ITSN2: variants seen among roughly 807,000 people sequenced by gnomAD.
The protein encoded by ITSN2 is intersectin-2.
ITSN2 carries 156 observed loss-of-function variants against 243.7 expected under a neutral mutation model. The ratio of observed to expected loss-of-function variants is 0.64; its 90% confidence interval spans 0.56 to 0.73. ITSN2 has a LOEUF of 0.73. ITSN2 is among the 30% of genes least tolerant of loss of function. ITSN2 has a pLI of 0.00. For missense variants in ITSN2, 1,801 were observed against 1,996.1 expected (o/e 0.90, Z 1.86); for synonymous variants, 703 against 699.9 (o/e 1.00, Z -0.07).
chr2:24,246,978 TA>T (rs1638703245), intron 27 of ITSN2, 85 bp from the exon 28 acceptor site: 1 of 928,802 alleles, frequency 1.1e-6, no homozygotes, highest in Non-Finnish European at 1.7e-6. Flanking sequence ...AGAAAAACCA[TA>T]AATGTGTAGT....
chr2:24,308,523 T>G (rs1574255136), intron 8 of ITSN2, 94 bp downstream of exon 8: 99 of 766,778 alleles, frequency 1.3e-4, no homozygotes, highest in Non-Finnish European at 1.7e-4. Flanking sequence ...AAATGTCAGA[T>G]GAGCTACACA....
rs767150368 is a variant in ITSN2 at position 24,300,082 on chromosome 2, T to TTTG, written c.1168_1170dup (p.Gln390dup). 11 of 1,614,064 alleles carry TTTG rather than the reference T, an allele frequency of 6.8e-6. No homozygotes were observed. In the East Asian group the frequency reaches 2.5e-4, roughly 36 times the overall value. On this transcript the variant is annotated inframe_insertion, in exon 12 of 40. Transcript: ENST00000355123. The stretch of plus-strand genomic sequence containing the variant: ...TTCTGGGCTTTACGTTCTGCCTCCC[T>TTTG]TTGTTGCTGCTCCATCAAGGCTTGG...
chr2:24,271,691 C>CT lies in ITSN2; in HGVS notation c.2257+74dup, dbSNP rs1414716254. ...ATTAGTATCTTTCTAATTTTCTTCC[C>CT]TTTTTTTGTCTCTTATCAGGTCATT... On this transcript the variant is annotated intron_variant, in intron 19 of 39. Coordinates refer to ENST00000355123, the MANE Select transcript of ITSN2 (RefSeq NM_006277.3). The CT allele has an allele frequency of 2.0e-5, 28 of 1,412,870 alleles. 1 individual carries two copies. In the South Asian group the frequency reaches 4.1e-4, roughly 20 times the overall value. The allele number at this position is 1,412,870 out of a possible 1,614,324, so 87.5% of individuals were successfully genotyped here.
intron 8 of ITSN2, among the ~76,000 whole-genome samples, chr2:24,307,505 C>G (rs1480112105): frequency 6.6e-6 from 1 of 152,092 alleles, no homozygotes; most frequent in East Asian, 1.9e-4. Context: ...AACCTACCAC[C>G]CATCTTAAGA....
intron 29 of ITSN2, among the ~76,000 whole-genome samples, chr2:24,242,673 C>T (rs1379667803): frequency 2.6e-5 from 4 of 152,054 alleles, no homozygotes; most frequent in African/African-American, 7.2e-5. Flanking sequence ...TAAACAAAAT[C>T]GGTACGCCTC....
intron 10 of ITSN2, 112 bp downstream of exon 10, chr2:24,301,853 A>G: frequency 9.5e-7 from 1 of 1,057,198 alleles, no homozygotes; most frequent in Non-Finnish European, 1.3e-6. Flanking sequence ...ACCCTTTTCA[A>G]GTATAACTTG....
At chr2:24,252,283 A>T (rs936456940) in intron 25 of ITSN2, 62 bp downstream of exon 25, 10 of 1,168,028 alleles carry the variant, frequency 8.6e-6, no homozygotes, top group Non-Finnish European at 1.2e-5. Context: ...TATTTTTAAT[A>T]CCAAAATAAT....
intron 36 of ITSN2, 57 bp downstream of exon 36, chr2:24,209,043 G>A: frequency 1.3e-6 from 2 of 1,598,314 alleles, no homozygotes; most frequent in Non-Finnish European, 8.6e-7. Context: ...ATGGCAGAGG[G>A]AGACGTCCAG....
intron 20 of ITSN2, among the ~76,000 whole-genome samples, chr2:24,266,943 A>G (rs1232437320): frequency 6.6e-6 from 1 of 151,982 alleles, no homozygotes; most frequent in African/African-American, 2.4e-5. Flanking sequence ...TTTCAAAAAT[A>G]AATAAATAAA....
chr2:24,281,064 TGTTGC>T (rs1678712597), intron 17 of ITSN2, among the ~76,000 whole-genome samples: 1 of 152,234 alleles, frequency 6.6e-6, no homozygotes, highest in Non-Finnish European at 1.5e-5. Context: ...GTTTTGCTCT[TGTTGC>T]CCTGGTTGGA....
At chr2:24,310,462 A>C (rs758542262) in intron 6 of ITSN2, 27 bp downstream of exon 6, 2 of 1,610,210 alleles carry the variant, frequency 1.2e-6, no homozygotes, top group Admixed American at 3.3e-5. Flanking sequence ...ACATGAAATA[A>C]TGACTCTTTA....
chr2:24,242,738 G>A (rs1268176580), intron 29 of ITSN2, among the ~76,000 whole-genome samples: 3 of 152,062 alleles, frequency 2.0e-5, no homozygotes, highest in South Asian at 4.1e-4. Flanking sequence ...CCATCTCAGA[G>A]GAACCTCTTT....
chr2:24,286,411 T>C (rs1377483557), intron 15 of ITSN2, 60 bp from the exon 16 acceptor site: 7 of 1,422,490 alleles, frequency 4.9e-6, no homozygotes, highest in Non-Finnish European at 5.9e-6. Context: ...ATTACCAGCA[T>C]GTCATTTACT....
At chr2:24,214,899 A>G (rs1396733379) in intron 32 of ITSN2, among the ~76,000 whole-genome samples, 1 of 152,238 alleles carries the variant, frequency 6.6e-6, no homozygotes. Flanking sequence ...GCAGTATTTC[A>G]TGAACAAAAA....
At chr2:24,305,203 G>C (rs1682335614) in intron 8 of ITSN2, among the ~76,000 whole-genome samples, 1 of 152,146 alleles carries the variant, frequency 6.6e-6, no homozygotes, top group African/African-American at 2.4e-5. Flanking sequence ...CTAAGAGAGT[G>C]CCCAGAAAGT....
chr2:24,320,055 GATTCAGGC>G (rs1684373486), intron 2 of ITSN2, among the ~76,000 whole-genome samples: 1 of 152,170 alleles, frequency 6.6e-6, no homozygotes, highest in South Asian at 2.1e-4. Flanking sequence ...CCAGATTACT[GATTCAGGC>G]CAGGTAGAAA....
intron 22 of ITSN2, among the ~76,000 whole-genome samples, chr2:24,259,433 T>C (rs1444794059): frequency 1.3e-5 from 2 of 152,340 alleles, no homozygotes; most frequent in South Asian, 2.1e-4. Flanking sequence ...ATCCAGACTT[T>C]ATGTTAGTGC....
At chr2:24,298,846 TA>T in intron 12 of ITSN2, 32 bp from the exon 13 acceptor site, 1 of 1,568,558 alleles carries the variant, frequency 6.4e-7, no homozygotes, top group Non-Finnish European at 8.6e-7. Context: ...ACTTAATTTT[TA>T]AATCAAAAAT....
At position 24,210,037 on chromosome 2, in the gene ITSN2, A is replaced by G. The variant is rs748344879; in HGVS notation, c.4258-4T>C. On this transcript the variant is annotated splice_region_variant and splice_polypyrimidine_tract_variant and intron_variant, in intron 34 of 39. Transcript: ENST00000355123. Reference sequence around the variant, plus strand: ...TGAGAGAGTTGAAAATAAGTTGCTTAAAGAGAAAGAAAATTTCACTTTTTA... The same window carrying G: ...TGAGAGAGTTGAAAATAAGTTGCTTGAAGAGAAAGAAAATTTCACTTTTTA... 8 of 1,607,700 alleles carry G rather than the reference A, an allele frequency of 5.0e-6. No individual in the cohort carries two copies. The highest frequency in any genetic ancestry group is 6.0e-6 in the Non-Finnish European group (7 of 1,174,638).
Sources: gnomAD v4.1 joint callset for allele counts (sites outside exome capture counted in the v4.1 genomes callset) on GRCh38, gnomAD v4.1.1 for gene constraint, MANE v1.5 for transcripts, NCBI Gene and HGNC (gene_info 2026-07-23, HGNC 2026-07-21) for gene names.